PPARD: variants seen among roughly 807,000 people sequenced by gnomAD.
PPARD encodes peroxisome proliferator-activated receptor delta.
A neutral mutation model predicts 39.5 loss-of-function variants in PPARD; 6 were observed. That is an observed-to-expected ratio of 0.15 (90% CI 0.08 to 0.30). The LOEUF (loss-of-function observed/expected upper bound fraction) is 0.30, where lower values mean the gene tolerates loss of function less well. Ranked by LOEUF, PPARD falls within the 10% of genes least tolerant of loss-of-function variation. PPARD has a pLI of 1.00. For synonymous variants in PPARD, 210 were observed against 231.3 expected (o/e 0.91, Z 0.83); for missense variants, 397 against 596.8 (o/e 0.67, Z 3.49).
chr6:35,415,222 A>G (rs1265077063), intron 3 of PPARD, among the ~76,000 whole-genome samples: 1 of 152,234 alleles, frequency 6.6e-6, no homozygotes, highest in Non-Finnish European at 1.5e-5. Context: ...GCCTGTCCCA[A>G]GGAGCCCACA....
At chr6:35,421,674 T>A in intron 4 of PPARD, 146 bp from the exon 5 acceptor site, 1 of 773,424 alleles carries the variant, frequency 1.3e-6, no homozygotes, top group Non-Finnish European at 2.0e-6. Context: ...AGAATTACTT[T>A]CCTTCTCCAT....
intron 2 of PPARD, among the ~76,000 whole-genome samples, chr6:35,398,604 A>C (rs1764492831): frequency 6.6e-6 from 1 of 152,188 alleles, no homozygotes; most frequent in Non-Finnish European, 1.5e-5. Context: ...GTAGATGGAG[A>C]ATGAAAGAGA....
chr6:35,400,447 C>T (rs1764630525), intron 2 of PPARD, among the ~76,000 whole-genome samples: 1 of 152,184 alleles, frequency 6.6e-6, no homozygotes, highest in Non-Finnish European at 1.5e-5. Context: ...GAGTCTCATG[C>T]TCTACCAACT....
intron 2 of PPARD, among the ~76,000 whole-genome samples, chr6:35,399,399 CAAAAAA>C (rs10539871): frequency 4.2e-5 from 4 of 95,510 alleles, no homozygotes; most frequent in African/African-American, 8.3e-5. Context: ...GACTCTGTCT[CAAAAAA>C]AAAAAAAAAA....
chr6:35,394,863 C>T (rs771890229), intron 2 of PPARD, among the ~76,000 whole-genome samples: 4 of 150,404 alleles, frequency 2.7e-5, no homozygotes, highest in African/African-American at 7.4e-5. Flanking sequence ...GTGTATAATA[C>T]AAATGTCTTT....
intron 3 of PPARD, among the ~76,000 whole-genome samples, chr6:35,411,911 T>G (rs1019442066): frequency 2.6e-5 from 4 of 152,144 alleles, no homozygotes; most frequent in African/African-American, 9.7e-5. Context: ...CTTTCCCTGC[T>G]GCAGTTCCCC....
rs1762055306 is a variant in PPARD, at chr6:35,363,938, T to G, written c.-102+16788T>G. ...TATATATTATATTAAATTAATATAT[T>G]TATATATTATATTAACGGTTTTATA... On this transcript the variant is annotated intron_variant, in intron 2 of 7. Coordinates refer to ENST00000360694, the MANE Select transcript of PPARD (RefSeq NM_006238.5). This position sits in a 1 kb window ranked among gnomAD's most constrained non-coding sequence, Gnocchi z 4.5. Among the ~76,000 whole-genome samples the G allele has an allele frequency of 6.7e-6, 1 of 149,682 alleles. No homozygotes were observed. The highest frequency in any genetic ancestry group is 2.4e-5 in the African/African-American group (1 of 41,036).
chr6:35,398,833 GC>G (rs1217406139), intron 2 of PPARD, among the ~76,000 whole-genome samples: 43 of 152,206 alleles, frequency 2.8e-4, no homozygotes, highest in African/African-American at 9.6e-4. Context: ...AGTGACATTG[GC>G]CAGGCGCGGT....
At chr6:35,352,772 T>C (rs1214524362) in intron 2 of PPARD, among the ~76,000 whole-genome samples, 1 of 152,206 alleles carries the variant, frequency 6.6e-6, no homozygotes, top group African/African-American at 2.4e-5. Flanking sequence ...ATGACCTCTC[T>C]ATGTGCCTTG....
At chr6:35,420,819 CTTTTTTTTTTTTT>C (rs35852986) in intron 4 of PPARD, among the ~76,000 whole-genome samples, 2 of 85,708 alleles carry the variant, frequency 2.3e-5, no homozygotes, top group African/African-American at 4.2e-5. Context: ...AACAAAGAAG[CTTTTTTTTTTTTT>C]TTTTTTTTTT....
intron 2 of PPARD, among the ~76,000 whole-genome samples, chr6:35,354,753 T>C (rs910192594): frequency 6.6e-6 from 1 of 152,202 alleles, no homozygotes; most frequent in Non-Finnish European, 1.5e-5. Flanking sequence ...AAGTAAGTTA[T>C]GGTGTTCGGC....
chr6:35,359,280 C>T (rs1761797977), intron 2 of PPARD, among the ~76,000 whole-genome samples: 1 of 152,226 alleles, frequency 6.6e-6, no homozygotes, highest in African/African-American at 2.4e-5. Flanking sequence ...TTTCTCCTCT[C>T]CTCCCCCTCA....
intron 2 of PPARD, among the ~76,000 whole-genome samples, chr6:35,386,492 AAAAC>A (rs139917526): frequency 8.6e-5 from 13 of 151,654 alleles, no homozygotes; most frequent in Middle Eastern, 3.4e-3. Flanking sequence ...CCCCATCTTA[AAAAC>A]AAACAAACAA....
At chr6:35,369,555 C>T (rs182238081) in intron 2 of PPARD, among the ~76,000 whole-genome samples, 4 of 152,362 alleles carry the variant, frequency 2.6e-5, no homozygotes, top group Non-Finnish European at 5.9e-5. Flanking sequence ...TAAATGGGAT[C>T]ATACAATATG....
At chr6:35,420,819 CTTTTTTTTTTTTTTT>C (rs35852986) in intron 4 of PPARD, among the ~76,000 whole-genome samples, 10,586 of 86,772 alleles carry the variant, frequency 0.12, 1,072 homozygotes, top group African/African-American at 0.29. Flanking sequence ...AACAAAGAAG[CTTTTTTTTTTTTTTT>C]TTTTTTTTTT....
intron 1 of PPARD, among the ~76,000 whole-genome samples, chr6:35,344,787 C>T (rs189715525): frequency 6.6e-6 from 1 of 152,248 alleles, no homozygotes; most frequent in East Asian, 1.9e-4. Flanking sequence ...TTTTGTAATC[C>T]TCTTGTACAC....
At chr6:35,399,570 T>A (rs537737759) in intron 2 of PPARD, among the ~76,000 whole-genome samples, 3 of 149,112 alleles carry the variant, frequency 2.0e-5, no homozygotes, top group Middle Eastern at 7.3e-3. Context: ...CAAAAATTAG[T>A]TGGGTGTGGT....
At chr6:35,345,667 C>A (rs1792128159) in intron 1 of PPARD, among the ~76,000 whole-genome samples, 1 of 152,076 alleles carries the variant, frequency 6.6e-6, no homozygotes, top group Admixed American at 6.6e-5. Flanking sequence ...TTCAACCCGA[C>A]CTGTGGTCCC....
intron 2 of PPARD, among the ~76,000 whole-genome samples, chr6:35,349,316 C>T (rs1043761642): frequency 1.3e-5 from 2 of 152,210 alleles, no homozygotes; most frequent in Non-Finnish European, 2.9e-5. Flanking sequence ...TGAGCCACCG[C>T]GCCCGGCCTC....
Sources: allele counts gnomAD v4.1 joint callset (sites outside exome capture counted in the v4.1 genomes callset), GRCh38; gene constraint gnomAD v4.1.1; non-coding constraint Gnocchi (gnomAD v3.1); transcripts MANE v1.5; gene names NCBI Gene and HGNC (gene_info 2026-07-23, HGNC 2026-07-21).